Variants in CDKAL1 observed in about 807,000 individuals in gnomAD.
CDKAL1 encodes the protein threonylcarbamoyladenosine tRNA methylthiotransferase.
In CDKAL1, 32 loss-of-function variants were observed where a neutral mutation model predicts 68.2. That is an observed-to-expected ratio of 0.47 (90% confidence interval 0.35 to 0.63). The LOEUF (loss-of-function observed/expected upper bound fraction) is 0.63, where lower values mean the gene tolerates loss of function less well. CDKAL1 is among the 30% of genes least tolerant of loss of function. The pLI, the probability that CDKAL1 is intolerant of heterozygous loss-of-function variation, is 0.00. For synonymous variants in CDKAL1, 234 were observed against 244.3 expected (o/e 0.96, Z 0.39); for missense variants, 606 against 696.7 (o/e 0.87, Z 1.47).
At chr6:21,003,372 A>ATATATATATATATATAGG in intron 11 of CDKAL1, among the ~76,000 whole-genome samples, 1 of 34,572 alleles carries the variant, frequency 2.9e-5, no homozygotes, top group Non-Finnish European at 7.1e-5. Context: ...ATATATATAT[A>ATATATATATATATATAGG]CACACACACA....
chr6:20,737,018 C>G (rs1220194107), intron 5 of CDKAL1, among the ~76,000 whole-genome samples: 1 of 152,150 alleles, frequency 6.6e-6, no homozygotes, highest in East Asian at 1.9e-4. Context: ...ACTCTCAACC[C>G]TCTTAAGATT....
At chr6:20,846,714 G>A (rs1231973212) in intron 9 of CDKAL1, among the ~76,000 whole-genome samples, 2 of 152,212 alleles carry the variant, frequency 1.3e-5, no homozygotes, top group East Asian at 1.9e-4. Flanking sequence ...AATGATTTGT[G>A]TGGGGTGGCC....
intron 4 of CDKAL1, among the ~76,000 whole-genome samples, chr6:20,598,639 A>C (rs1484820058): frequency 6.6e-6 from 1 of 152,226 alleles, no homozygotes; most frequent in African/African-American, 2.4e-5. Flanking sequence ...ACGAGGATCA[A>C]ATTAAACATT....
intron 10 of CDKAL1, among the ~76,000 whole-genome samples, chr6:20,985,290 T>G (rs1376262556): frequency 1.3e-5 from 2 of 152,086 alleles, no homozygotes; most frequent in Non-Finnish European, 2.9e-5. Flanking sequence ...GTTTTTTTGT[T>G]TGTTTGTTTT....
chr6:21,068,291 C>T (rs1310091163), intron 12 of CDKAL1, among the ~76,000 whole-genome samples: 1 of 152,074 alleles, frequency 6.6e-6, no homozygotes, highest in Non-Finnish European at 1.5e-5. Flanking sequence ...TTCTCCACAC[C>T]ATCATAAAGA....
In CDKAL1 at chr6:20,627,931, A is replaced by G. The variant is rs560860756; in HGVS notation, c.287-21362A>G. 4.6e-5 allele frequency among the ~76,000 whole-genome samples: 7 copies of G among 152,242 alleles called. 1 individual carries two copies. The South Asian group carries it at 1.4e-3, about 32-fold the overall frequency. On this transcript the variant is annotated intron_variant, in intron 4 of 15. Transcript: ENST00000274695. ...CAAAGGTCATGATTTTTGTTTGTCA[A>G]TCTTAAATTCTGTGACCTTGCAGAA...
At chr6:21,095,009 C>T (rs1773247204) in intron 12 of CDKAL1, among the ~76,000 whole-genome samples, 1 of 152,016 alleles carries the variant, frequency 6.6e-6, no homozygotes, top group Non-Finnish European at 1.5e-5. Flanking sequence ...TTTAAAAACA[C>T]CTTAGGATCC....
chr6:21,160,279 A>G (rs1285948800), intron 13 of CDKAL1, among the ~76,000 whole-genome samples: 1 of 152,054 alleles, frequency 6.6e-6, no homozygotes, highest in Non-Finnish European at 1.5e-5. Context: ...CGAATGGGAA[A>G]TAAAGATTTT....
At chr6:20,688,568 G>A (rs1770735102) in intron 5 of CDKAL1, among the ~76,000 whole-genome samples, 4 of 151,996 alleles carry the variant, frequency 2.6e-5, no homozygotes, top group South Asian at 2.1e-4. Flanking sequence ...CTTCATTTCC[G>A]TTAGTGTTTT....
intron 4 of CDKAL1, among the ~76,000 whole-genome samples, chr6:20,638,032 T>A (rs1561986570): frequency 6.6e-6 from 1 of 152,220 alleles, no homozygotes; most frequent in Non-Finnish European, 1.5e-5. Flanking sequence ...AAATAATACC[T>A]GTATGTTTGC....
Position 20,673,030 on chromosome 6 carries a change from G to A in CDKAL1, c.371+23653G>A, listed in dbSNP as rs140826280. Among the ~76,000 whole-genome samples the A allele has an allele frequency of 3.1e-3, 470 of 152,314 alleles. 2 individuals are homozygous for A. The highest frequency in any genetic ancestry group is 0.01 in the African/African-American group (425 of 41,576). On this transcript the variant is annotated intron_variant, in intron 5 of 15. Transcript: ENST00000274695. ...GACCTCAAGTGATCCACCCGCCTTG[G>A]CCTCCCAGAGTGCTGGGATTACAGG...
chr6:20,751,969 A>G (rs1773941172), intron 6 of CDKAL1, among the ~76,000 whole-genome samples: 1 of 151,994 alleles, frequency 6.6e-6, no homozygotes, highest in Non-Finnish European at 1.5e-5. Context: ...TCATTACTGT[A>G]TGTGAATTTT....
intron 5 of CDKAL1, among the ~76,000 whole-genome samples, chr6:20,671,402 A>G (rs759073413): frequency 1.4e-4 from 22 of 152,170 alleles, no homozygotes; most frequent in Non-Finnish European, 2.5e-4. Context: ...TGTCACAGGC[A>G]TATTCTCCCC....
chr6:21,231,376 G>T lies in CDKAL1; in HGVS notation c.*337G>T. The stretch of plus-strand genomic sequence containing the variant: ...AGAACCTAATTGTACAGTGGCTCTG[G>T]CCATCTTTTCCTCATGTGGAAGAAT... On this transcript the variant is annotated 3_prime_UTR_variant, in exon 16 of 16. Transcript: ENST00000274695. The T allele has an allele frequency of 5.3e-6, 1 of 187,880 alleles. No homozygotes were observed. The highest frequency in any genetic ancestry group is 1.3e-4 in the East Asian group (1 of 7,816). The allele number at this position is 187,880 out of a possible 1,614,324, so 11.6% of individuals were successfully genotyped here. A position where few individuals can be genotyped will look rare whatever the true frequency, so the allele number is the denominator to read the frequency against.
At chr6:20,648,074 CA>C (rs761320010) in intron 4 of CDKAL1, among the ~76,000 whole-genome samples, 551 of 84,876 alleles carry the variant, frequency 6.5e-3, no homozygotes, top group African/African-American at 0.011. Context: ...GACTCTGTCT[CA>C]AAAAAAAAAA....
rs567510976 is a variant in CDKAL1, at chr6:20,783,607, A to G, written c.638+2342A>G. ...ATGGGTGAGCCTCCTGCACTCAACT[A>G]TGTGCTCATTTCTTGGGATGTCTGC... On this transcript the variant is annotated intron_variant, in intron 8 of 15. Coordinates refer to ENST00000274695, the MANE Select transcript of CDKAL1 (RefSeq NM_017774.3). Among the ~76,000 whole-genome samples the G allele has an allele frequency of 7.2e-5, 11 of 152,102 alleles. No homozygotes were observed. In the South Asian group the frequency reaches 1.0e-3, roughly 14 times the overall value.
chr6:20,623,706 T>C (rs558649004), intron 4 of CDKAL1, among the ~76,000 whole-genome samples: 51 of 152,082 alleles, frequency 3.4e-4, no homozygotes, highest in Non-Finnish European at 5.4e-4. Context: ...TAAAGAAAAA[T>C]AGCAGTATGC....
intron 11 of CDKAL1, among the ~76,000 whole-genome samples, chr6:21,009,305 T>C (rs949435642): frequency 1.3e-5 from 2 of 152,338 alleles, no homozygotes; most frequent in East Asian, 1.9e-4. Context: ...AATTTTCCAA[T>C]TGAAAATTAT....
chr6:21,186,081 A>C, intron 13 of CDKAL1, among the ~76,000 whole-genome samples: 2 of 136,254 alleles, frequency 1.5e-5, no homozygotes, highest in African/African-American at 2.7e-5. Flanking sequence ...GGGGTGGGGC[A>C]GGGGGGGTCA....
Sources: gnomAD v4.1 joint callset for allele counts (sites outside exome capture counted in the v4.1 genomes callset) on GRCh38, gnomAD v4.1.1 for gene constraint, MANE v1.5 for transcripts, NCBI Gene and HGNC (gene_info 2026-07-23, HGNC 2026-07-21) for gene names.